Variants in SENP2 observed in about 807,000 individuals in gnomAD.
The protein encoded by SENP2 is sentrin-specific protease 2.
SENP2 carries 16 observed loss-of-function variants against 86.3 expected under a neutral mutation model. The ratio of observed to expected loss-of-function variants is 0.19; its 90% CI spans 0.13 to 0.28. SENP2 has a LOEUF of 0.28. Ranked by LOEUF, SENP2 falls within the 10% of genes least tolerant of loss-of-function variation. The probability of loss-of-function intolerance (pLI) is 1.00; values close to 1 mark genes in which losing one functional copy is unlikely to be tolerated. For synonymous variants in SENP2, 222 were observed against 238.7 expected (o/e 0.93, Z 0.64); for missense variants, 552 against 703.0 (o/e 0.79, Z 2.43).
intron 2 of SENP2, among the ~76,000 whole-genome samples, chr3:185,592,059 A>AT: frequency 1.8e-5 from 1 of 56,848 alleles, no homozygotes; most frequent in African/African-American, 6.7e-5. Flanking sequence ...CTCTGTCTTG[A>AT]TCTTGTCATC....
At chr3:185,592,011 C>CTTTTTTTTTTTTTTTTTTTTTTTTT (rs149268515) in intron 2 of SENP2, among the ~76,000 whole-genome samples, 5 of 65,804 alleles carry the variant, frequency 7.6e-5, no homozygotes, top group Admixed American at 2.5e-4. Context: ...GGTAATATTT[C>CTTTTTTTTTTTTTTTTTTTTTTTTT]TTTTTTTTTT....
intron 15 of SENP2, among the ~76,000 whole-genome samples, chr3:185,625,151 G>A (rs999295122): frequency 2.7e-5 from 4 of 149,922 alleles, no homozygotes; most frequent in Admixed American, 6.7e-5. Context: ...TCGCTCTGTC[G>A]CCTAGGCTGG....
intron 7 of SENP2, 35 bp from the exon 8 acceptor site, chr3:185,611,616 T>A (rs758914461): frequency 6.9e-7 from 1 of 1,454,960 alleles, no homozygotes. Flanking sequence ...ACTTTGCTTT[T>A]GTATCTGATC....
chr3:185,606,711 T>G (rs1273923164), intron 6 of SENP2: 1 of 544,822 alleles, frequency 1.8e-6, no homozygotes, highest in Non-Finnish European at 3.3e-6. Context: ...GTTCATGCTA[T>G]GAGACCTAAA....
At chr3:185,589,559 T>C (rs1039447593) in intron 1 of SENP2, among the ~76,000 whole-genome samples, 16 of 152,260 alleles carry the variant, frequency 1.1e-4, no homozygotes, top group African/African-American at 3.9e-4. Context: ...CAAATTATTA[T>C]TTGGTAAGAA....
intron 5 of SENP2, 28 bp from the exon 6 acceptor site, chr3:185,606,302 T>A: frequency 6.4e-7 from 1 of 1,565,454 alleles, no homozygotes; most frequent in Non-Finnish European, 8.6e-7. Context: ...TTGGTGATAC[T>A]TTTTTTCTTT....
intron 16 of SENP2, among the ~76,000 whole-genome samples, chr3:185,626,763 ACT>A (rs1291879934): frequency 6.8e-6 from 1 of 146,606 alleles, no homozygotes; most frequent in East Asian, 2.0e-4. Context: ...ACAGAGCGAG[ACT>A]CTGTCTCAAA....
chr3:185,621,556 A>C (rs1263376287), intron 13 of SENP2, among the ~76,000 whole-genome samples: 1 of 151,490 alleles, frequency 6.6e-6, no homozygotes, highest in Non-Finnish European at 1.5e-5. Flanking sequence ...TGCCCGACTA[A>C]TTTTTGTATT....
At chr3:185,627,328 C>T (rs529692579) in intron 16 of SENP2, among the ~76,000 whole-genome samples, 3 of 152,246 alleles carry the variant, frequency 2.0e-5, no homozygotes, top group Admixed American at 6.5e-5. Context: ...AGGGAAAAAT[C>T]GGCCTGTGAG....
At chr3:185,623,751 C>T (rs1008329940) in intron 14 of SENP2, among the ~76,000 whole-genome samples, 12 of 137,628 alleles carry the variant, frequency 8.7e-5, no homozygotes, top group African/African-American at 2.5e-4. Flanking sequence ...GGCGTGAACC[C>T]GGGAGGCAGA....
intron 5 of SENP2, among the ~76,000 whole-genome samples, chr3:185,601,954 A>G (rs1384775965): frequency 6.6e-6 from 1 of 152,134 alleles, no homozygotes; most frequent in African/African-American, 2.4e-5. Flanking sequence ...CTCTTTTTAA[A>G]AACATTTTTT....
chr3:185,625,630 C>CTTGT (rs1265519985), intron 15 of SENP2, among the ~76,000 whole-genome samples: 1 of 152,060 alleles, frequency 6.6e-6, no homozygotes, highest in Admixed American at 6.6e-5. Context: ...CTTAGTGCTG[C>CTTGT]TTGTACCAAG....
chr3:185,628,451 T>C (rs1712249460), intron 16 of SENP2, among the ~76,000 whole-genome samples: 1 of 151,764 alleles, frequency 6.6e-6, no homozygotes, highest in African/African-American at 2.4e-5. Context: ...CACTAGTTTA[T>C]AGTAAGGGAC....
chr3:185,624,082 C>T lies in SENP2; in HGVS notation c.1611C>T (p.His537=), dbSNP rs75841015. 1,602 of 1,598,270 alleles carry T rather than the reference C, an allele frequency of 1.0e-3. 7 individuals are homozygous for T. The East Asian group carries it at 0.011, about 11-fold the overall frequency. ...LEWTHHSMKP[H]EIPQQLNGSD... ...GGACCCATCACAGCATGAAACCACACGTGAGTGACGATCATCTACATGTGA... is the reference window on the plus strand; with the variant it reads ...GGACCCATCACAGCATGAAACCACATGTGAGTGACGATCATCTACATGTGA... The change falls in exon 15 of 17, where the codon CAC becomes CAT. Residue 537 remains histidine, a splice_region_variant and synonymous_variant. Transcript: ENST00000296257.
rs1722606931 is a variant in SENP2 at position 185,609,188 on chromosome 3, GC to G, written c.619-57del. On this transcript the variant is annotated intron_variant, in intron 6 of 16. Coordinates refer to ENST00000296257, the MANE Select transcript of SENP2 (RefSeq NM_021627.3). ...AAAACACACCTATGGTTTACATTTGGCCTTTTAATTATAAATTTAATGTGCT... is the reference window on the plus strand; with the variant it reads ...AAAACACACCTATGGTTTACATTTGGCTTTTAATTATAAATTTAATGTGCT... The G allele has an allele frequency of 9.6e-6, 11 of 1,145,740 alleles. No homozygotes were observed. In the East Asian group the frequency reaches 2.1e-4, roughly 22 times the overall value. 71.0% of individuals were successfully genotyped at this position (1,145,740 alleles called of 1,614,324 possible). A position where few individuals can be genotyped will look rare whatever the true frequency, so the allele number is the denominator to read the frequency against.
Position 185,617,138 on chromosome 3 carries a change from C to A in SENP2, c.1111-342C>A, listed in dbSNP as rs949283192. ...CAGGATTTGTTGTAAGTATTACTTA[C>A]AACAATTAAGTAAGGCTGCTTTGTA... On this transcript the variant is annotated intron_variant, in intron 11 of 16. Coordinates refer to ENST00000296257, the MANE Select transcript of SENP2 (RefSeq NM_021627.3). Among the ~76,000 whole-genome samples the A allele has an allele frequency of 3.3e-5, 5 of 152,084 alleles. No individual in the cohort carries two copies. In the East Asian group the frequency reaches 7.7e-4, roughly 24 times the overall value.
intron 5 of SENP2, among the ~76,000 whole-genome samples, chr3:185,603,258 G>A (rs536380467): frequency 2.0e-5 from 3 of 152,282 alleles, no homozygotes; most frequent in East Asian, 3.9e-4. Flanking sequence ...GGAGAAGCAC[G>A]ACTGACACCA....
At chr3:185,603,121 A>G (rs184309630) in intron 5 of SENP2, among the ~76,000 whole-genome samples, 14 of 152,024 alleles carry the variant, frequency 9.2e-5, no homozygotes, top group Middle Eastern at 3.4e-3. Context: ...TATGTTGGCC[A>G]GGCTGGTCTC....
At chr3:185,598,873 T>TAAGAAA (rs1402587050) in intron 3 of SENP2, 85 bp from the exon 4 acceptor site, 1 of 1,065,602 alleles carries the variant, frequency 9.4e-7, no homozygotes, top group African/African-American at 1.6e-5. Flanking sequence ...GTGAGCTACC[T>TAAGAAA]AAGAAAAAGT....
Sources: gnomAD v4.1 joint callset for allele counts (sites outside exome capture counted in the v4.1 genomes callset) on GRCh38, gnomAD v4.1.1 for gene constraint, MANE v1.5 for transcripts, NCBI Gene and HGNC (gene_info 2026-07-23, HGNC 2026-07-21) for gene names.